DGKB: variants seen among roughly 807,000 people sequenced by gnomAD.
The protein encoded by DGKB is diacylglycerol kinase beta.
Under a neutral mutation model 114.3 loss-of-function variants are expected in DGKB, and 67 were observed. The observed-to-expected ratio is 0.59, with a 90% confidence interval of 0.48 to 0.72. The LOEUF (loss-of-function observed/expected upper bound fraction) is 0.72. Among genes scored for constraint, DGKB ranks in the 30% least tolerant of loss-of-function variants. DGKB has a pLI of 0.00. For missense variants in DGKB, 907 were observed against 975.2 expected (o/e 0.93, Z 0.93); for synonymous variants, 398 against 323.1 (o/e 1.23, Z -2.49).
At chr7:14,354,658 A>C (rs532165449) in intron 21 of DGKB, among the ~76,000 whole-genome samples, 2 of 152,174 alleles carry the variant, frequency 1.3e-5, no homozygotes, top group African/African-American at 4.8e-5. Context: ...CCTTCTTTAA[A>C]AAGAAATTGA....
At chr7:14,442,669 A>G (rs562036048) in intron 21 of DGKB, among the ~76,000 whole-genome samples, 88 of 152,130 alleles carry the variant, frequency 5.8e-4, no homozygotes, top group African/African-American at 2.1e-3. Flanking sequence ...TTAATATGTA[A>G]TATTTTACCA....
chr7:14,916,120 C>T (rs933773973), intron 1 of DGKB, among the ~76,000 whole-genome samples: 14 of 151,328 alleles, frequency 9.3e-5, no homozygotes, highest in African/African-American at 3.4e-4. Context: ...AAACAGTATA[C>T]TATACTGAAA....
intron 1 of DGKB, among the ~76,000 whole-genome samples, chr7:14,882,907 C>T (rs1013342582): frequency 1.3e-5 from 2 of 151,824 alleles, no homozygotes; most frequent in African/African-American, 2.4e-5. Context: ...GATATCTTTG[C>T]TATTTTAAAT....
intron 2 of DGKB, among the ~76,000 whole-genome samples, chr7:14,830,899 CTG>C (rs1292538809): frequency 6.2e-4 from 94 of 151,880 alleles, no homozygotes; most frequent in African/African-American, 2.0e-3. Context: ...GTAAGAAAAA[CTG>C]TGTGCACACA....
chr7:14,906,931 A>G (rs971804744), upstream of DGKB, among the ~76,000 whole-genome samples: 2 of 152,212 alleles, frequency 1.3e-5, no homozygotes, highest in African/African-American at 4.8e-5. Context: ...CCCATAAATA[A>G]AGGTATTCTC....
chr7:14,862,833 G>A (rs1851187545), intron 1 of DGKB, among the ~76,000 whole-genome samples: 1 of 151,814 alleles, frequency 6.6e-6, no homozygotes, highest in East Asian at 1.9e-4. Flanking sequence ...TCACTATTTT[G>A]GATATTTGTG....
intron 2 of DGKB, among the ~76,000 whole-genome samples, chr7:14,808,049 A>G (rs1586648545): frequency 3.3e-5 from 5 of 152,154 alleles, no homozygotes; most frequent in Admixed American, 3.3e-4. Flanking sequence ...ACCATTTACA[A>G]TGTAATATCC....
chr7:14,598,868 T>A (rs567124966), intron 17 of DGKB, among the ~76,000 whole-genome samples: 1 of 152,252 alleles, frequency 6.6e-6, no homozygotes, highest in East Asian at 1.9e-4. Flanking sequence ...AACCTATGAT[T>A]TGTCAATATC....
chr7:14,751,062 G>T (rs567607173), intron 4 of DGKB, among the ~76,000 whole-genome samples: 1 of 151,808 alleles, frequency 6.6e-6, no homozygotes, highest in African/African-American at 2.4e-5. Flanking sequence ...ACTGGCCCAC[G>T]TTGGCCTCCC....
intron 10 of DGKB, among the ~76,000 whole-genome samples, chr7:14,683,300 C>T (rs1365377081): frequency 1.3e-5 from 2 of 152,120 alleles, no homozygotes; most frequent in East Asian, 3.9e-4. Flanking sequence ...TCTTAAATGG[C>T]TGATTAGTCT....
intron 1 of DGKB, among the ~76,000 whole-genome samples, chr7:14,899,734 T>C (rs901974706): frequency 2.6e-5 from 4 of 152,082 alleles, no homozygotes; most frequent in African/African-American, 9.7e-5. Flanking sequence ...TGCAGGTGGA[T>C]TCCAGTTTAG....
chr7:14,178,814 AT>A (rs966376792), intron 23 of DGKB, among the ~76,000 whole-genome samples: 14 of 151,532 alleles, frequency 9.2e-5, no homozygotes, highest in Admixed American at 3.9e-4. Flanking sequence ...TTATTATTAA[AT>A]TTTTTTTTAG....
chr7:14,969,630 C>T (rs217608), intron 1 of DGKB, among the ~76,000 whole-genome samples: 12 of 151,884 alleles, frequency 7.9e-5, no homozygotes, highest in Non-Finnish European at 1.8e-4. Context: ...GAGGGATCTA[C>T]GTTGTGTGCT....
At chr7:14,640,300 T>C (rs1414174431) in intron 13 of DGKB, among the ~76,000 whole-genome samples, 3 of 152,112 alleles carry the variant, frequency 2.0e-5, no homozygotes, top group African/African-American at 7.2e-5. Flanking sequence ...AGGCAGAGAA[T>C]ACTAGAATGA....
chr7:14,575,776 G>A (rs1332383943), intron 19 of DGKB, among the ~76,000 whole-genome samples: 2 of 151,946 alleles, frequency 1.3e-5, no homozygotes, highest in African/African-American at 2.4e-5. Flanking sequence ...ATTTTTTTCT[G>A]TTCATTATTT....
intron 2 of DGKB, among the ~76,000 whole-genome samples, chr7:14,831,999 A>G (rs527506948): frequency 9.9e-5 from 15 of 152,236 alleles, no homozygotes; most frequent in African/African-American, 3.6e-4. Context: ...AAGAAAAGAT[A>G]GTAGAACAAT....
intron 23 of DGKB, among the ~76,000 whole-genome samples, chr7:14,287,885 T>C (rs1221545097): frequency 6.6e-6 from 1 of 152,164 alleles, no homozygotes; most frequent in Non-Finnish European, 1.5e-5. Flanking sequence ...TTGTGAAGTT[T>C]ATCTAAAAGG....
intron 2 of DGKB, among the ~76,000 whole-genome samples, chr7:14,822,876 C>T (rs528224608): frequency 1.3e-5 from 2 of 152,198 alleles, no homozygotes; most frequent in East Asian, 3.9e-4. Flanking sequence ...CAATCTATTT[C>T]TACTTACCTT....
intron 21 of DGKB, among the ~76,000 whole-genome samples, chr7:14,402,497 C>T (rs1024905103): frequency 3.3e-5 from 5 of 151,832 alleles, no homozygotes; most frequent in Admixed American, 3.3e-4. Context: ...AAAAATGACT[C>T]AGTTTCCTCA....
Sources: allele counts gnomAD v4.1 joint callset (sites outside exome capture counted in the v4.1 genomes callset), GRCh38; gene constraint gnomAD v4.1.1; transcripts MANE v1.5; gene names NCBI Gene and HGNC (gene_info 2026-07-23, HGNC 2026-07-21).